Variants in CYP7B1 observed in about 807,000 individuals in gnomAD.
CYP7B1 encodes cytochrome P450 family 7 subfamily B member 1.
In CYP7B1, 29 loss-of-function variants were observed where a neutral mutation model predicts 42.7. That is an observed-to-expected ratio of 0.68 (90% confidence interval 0.51 to 0.93). The LOEUF (loss-of-function observed/expected upper bound fraction) is 0.93. Among genes scored for constraint, CYP7B1 ranks in the 40% least tolerant of loss-of-function variants. The pLI is 0.00. For synonymous variants in CYP7B1, 235 were observed against 218.2 expected (o/e 1.08, Z -0.68); for missense variants, 655 against 600.5 (o/e 1.09, Z -0.95).
chr8:64,627,128 G>A (rs897519907), intron 1 of CYP7B1, among the ~76,000 whole-genome samples: 1 of 152,162 alleles, frequency 6.6e-6, no homozygotes, highest in Non-Finnish European at 1.5e-5. Flanking sequence ...GTATACTGTT[G>A]TTTAAATGCA....
intron 1 of CYP7B1, among the ~76,000 whole-genome samples, chr8:64,711,984 T>C (rs1807088208): frequency 6.6e-6 from 1 of 152,212 alleles, no homozygotes. Context: ...ACTATTATTA[T>C]CCTTCACCTC....
chr8:64,605,822 C>T (rs550620884), intron 4 of CYP7B1, among the ~76,000 whole-genome samples: 6 of 152,166 alleles, frequency 3.9e-5, no homozygotes, highest in Admixed American at 3.9e-4. Flanking sequence ...AACAAATGGT[C>T]GTGTTTATGA....
chr8:64,616,254 G>A lies in CYP7B1; in HGVS notation c.287C>T (p.Pro96Leu). 1 of 1,604,386 alleles carries A rather than the reference G, an allele frequency of 6.2e-7. No homozygotes were observed. The highest frequency in any genetic ancestry group is 8.5e-7 in the Non-Finnish European group (1 of 1,175,242). ...GGKYITFILD[P>L]FQYQLVIKNH... is the part of the protein sequence containing the mutation. ...TTTTATCACTAGCTGGTACTGGAAG[G>A]GGTCCAGGATAAATGTTATGTACTT... Residue 96 changes from proline to leucine, a missense_variant, in exon 3 of 6, where the codon CCC (proline) becomes CTC (leucine). Coordinates refer to ENST00000310193, the MANE Select transcript of CYP7B1 (RefSeq NM_004820.5).
chr8:64,690,178 G>A (rs1028567697), intron 1 of CYP7B1, among the ~76,000 whole-genome samples: 3 of 152,128 alleles, frequency 2.0e-5, no homozygotes, highest in African/African-American at 4.8e-5. Context: ...CAGGTGCATC[G>A]CTTGAGCCCA....
intron 1 of CYP7B1, among the ~76,000 whole-genome samples, chr8:64,658,455 TCTTATAA>T (rs1258854772): frequency 3.3e-5 from 5 of 152,324 alleles, no homozygotes; most frequent in Non-Finnish European, 7.3e-5. Context: ...TTTTTCCTTG[TCTTATAA>T]CTTATAAATT....
At chr8:64,719,157 A>T (rs984881043) in intron 1 of CYP7B1, among the ~76,000 whole-genome samples, 2 of 152,208 alleles carry the variant, frequency 1.3e-5, no homozygotes, top group African/African-American at 4.8e-5. Flanking sequence ...CATTTCAATG[A>T]CCAACCTACA....
At chr8:64,659,374 T>C (rs1052689443) in intron 1 of CYP7B1, among the ~76,000 whole-genome samples, 5 of 152,330 alleles carry the variant, frequency 3.3e-5, no homozygotes, top group Non-Finnish European at 7.4e-5. Flanking sequence ...AGTAAATCTA[T>C]ACCTATAGCA....
At chr8:64,733,910 C>T (rs1035073094) in intron 1 of CYP7B1, among the ~76,000 whole-genome samples, 4 of 151,978 alleles carry the variant, frequency 2.6e-5, no homozygotes, top group Non-Finnish European at 2.9e-5. Context: ...TTTGAGGCTG[C>T]AGTGAGCTAT....
chr8:64,795,947 T>G (rs557942732), intron 1 of CYP7B1, among the ~76,000 whole-genome samples: 2 of 152,358 alleles, frequency 1.3e-5, no homozygotes, highest in East Asian at 3.9e-4. Flanking sequence ...ACCTCTGAAT[T>G]GATTTTTACC....
chr8:64,678,341 C>A (rs1485525600), intron 1 of CYP7B1, among the ~76,000 whole-genome samples: 1 of 152,046 alleles, frequency 6.6e-6, no homozygotes, highest in Admixed American at 6.6e-5. Flanking sequence ...AGATATTGAT[C>A]CATACTTAGA....
Position 64,625,162 on chromosome 8 carries a change from A to AG in CYP7B1, c.123-624dup, listed in dbSNP as rs557106349. 2.9e-3 allele frequency among the ~76,000 whole-genome samples: 433 copies of AG among 151,738 alleles called. 3 individuals carry two copies. The highest frequency in any genetic ancestry group is 6.8e-3 in the Middle Eastern group (2 of 294). On this transcript the variant is annotated intron_variant, in intron 1 of 5. Transcript: ENST00000310193. ...CTAATTTTTTGTATTTTTAGTAGAG[A>AG]GGGGGTTTCACCGTGTTAGCCAGGA...
At position 64,798,618 on chromosome 8, in the gene CYP7B1, C is replaced by G; in HGVS notation, c.-31G>C. 6.9e-7 allele frequency: 1 copy of G among 1,449,310 alleles called. No individual in the cohort carries two copies. The highest frequency in any genetic ancestry group is 9.0e-7 in the Non-Finnish European group (1 of 1,110,776). The allele number at this position is 1,449,310 out of a possible 1,614,324, so 89.8% of individuals were successfully genotyped here. A position where few individuals can be genotyped will look rare whatever the true frequency, so the allele number is the denominator to read the frequency against. On this transcript the variant is annotated 5_prime_UTR_variant, in exon 1 of 6. Coordinates refer to ENST00000310193, the MANE Select transcript of CYP7B1 (RefSeq NM_004820.5). ...GCGCGCTAGGCCGCGGTGGGCAGCC[C>G]GGGGTCTGCCTGCGAACAGCGCGGT...
At chr8:64,687,356 G>A (rs1172932817) in intron 1 of CYP7B1, among the ~76,000 whole-genome samples, 4 of 152,124 alleles carry the variant, frequency 2.6e-5, no homozygotes, top group African/African-American at 7.2e-5. Context: ...CCATTTATAC[G>A]AAATGTCCAG....
chr8:64,621,959 G>C (rs1805537207), intron 2 of CYP7B1, among the ~76,000 whole-genome samples: 1 of 151,324 alleles, frequency 6.6e-6, no homozygotes. Flanking sequence ...TGGCCAGGAT[G>C]GTCTCGAATT....
chr8:64,632,790 T>A (rs1196928135), intron 1 of CYP7B1, among the ~76,000 whole-genome samples: 2 of 152,020 alleles, frequency 1.3e-5, no homozygotes, highest in Non-Finnish European at 2.9e-5. Flanking sequence ...AACAAGGCAA[T>A]AATGTCCCTC....
chr8:64,645,400 C>T (rs1186223759), intron 1 of CYP7B1, among the ~76,000 whole-genome samples: 2 of 152,182 alleles, frequency 1.3e-5, no homozygotes, highest in Middle Eastern at 6.8e-3. Context: ...GTTCCTATTT[C>T]TCCACATCCT....
At chr8:64,741,915 C>T (rs767856864) in intron 1 of CYP7B1, among the ~76,000 whole-genome samples, 9 of 152,128 alleles carry the variant, frequency 5.9e-5, no homozygotes, top group Non-Finnish European at 1.3e-4. Context: ...GTTAAGATGT[C>T]AATTCTTTCC....
At chr8:64,675,453 T>C (rs1806431864) in intron 1 of CYP7B1, among the ~76,000 whole-genome samples, 1 of 150,698 alleles carries the variant, frequency 6.6e-6, no homozygotes, top group African/African-American at 2.4e-5. Flanking sequence ...TATTTTATTA[T>C]TTATTAATTT....
chr8:64,751,159 T>C (rs1166431776), intron 1 of CYP7B1, among the ~76,000 whole-genome samples: 2 of 152,214 alleles, frequency 1.3e-5, no homozygotes, highest in Admixed American at 6.5e-5. Flanking sequence ...TGTGCTTTCA[T>C]TGGAGACAAT....
Sources: allele counts gnomAD v4.1 joint callset (sites outside exome capture counted in the v4.1 genomes callset), GRCh38; gene constraint gnomAD v4.1.1; transcripts MANE v1.5; gene names NCBI Gene and HGNC (gene_info 2026-07-23, HGNC 2026-07-21).